Variants in NHSL1 observed in about 807,000 individuals in gnomAD.
NHSL1 encodes NHS like 1.
NHSL1 carries 48 observed loss-of-function variants against 95.0 expected under a neutral mutation model. The ratio of observed to expected loss-of-function variants is 0.51; its 90% CI spans 0.40 to 0.64. The LOEUF is 0.64. NHSL1 is among the 30% of genes least tolerant of loss of function. NHSL1 has a pLI of 0.00. For missense variants in NHSL1, 1,971 were observed against 2,077.7 expected, an observed-to-expected ratio of 0.95 and a Z score of 1.00; for synonymous variants, 783 against 833.9, an observed-to-expected ratio of 0.94 and a Z score of 1.05.
At chr6:138,470,288 AATTTTT>A (rs1295079266) in intron 3 of NHSL1, among the ~76,000 whole-genome samples, 1 of 152,016 alleles carries the variant, frequency 6.6e-6, no homozygotes, top group Middle Eastern at 3.2e-3. Flanking sequence ...GATTAACCTG[AATTTTT>A]ATTTTTATTT....
intron 1 of NHSL1, chr6:138,651,051 G>A (rs916929711): frequency 9.0e-5 from 35 of 387,744 alleles, no homozygotes; most frequent in Admixed American, 2.1e-4. Context: ...AAATTACCTC[G>A]TATTTTGATA....
intron 1 of NHSL1, among the ~76,000 whole-genome samples, chr6:138,641,440 A>G (rs1784957938): frequency 1.3e-5 from 2 of 152,138 alleles, no homozygotes; most frequent in South Asian, 4.1e-4. Context: ...TGAAACGTAC[A>G]GTGTTGGTTG....
intron 1 of NHSL1, among the ~76,000 whole-genome samples, chr6:138,536,600 AT>A (rs1782356687): frequency 9.9e-5 from 10 of 100,508 alleles, no homozygotes; most frequent in Non-Finnish European, 5.9e-5. Flanking sequence ...GACATATGTC[AT>A]CTTTTTTTTT....
intron 1 of NHSL1, among the ~76,000 whole-genome samples, chr6:138,605,409 T>C (rs1216053930): frequency 6.6e-6 from 1 of 152,160 alleles, no homozygotes; most frequent in Non-Finnish European, 1.5e-5. Context: ...TTTTGTATAA[T>C]TACCTTTTCA....
upstream of NHSL1, among the ~76,000 whole-genome samples, chr6:138,575,343 C>T (rs973790932): frequency 6.6e-6 from 1 of 152,206 alleles, no homozygotes; most frequent in Non-Finnish European, 1.5e-5. Context: ...CAACCCTGTA[C>T]ACTTCAAGGA....
At chr6:138,650,551 C>T in intron 1 of NHSL1, 5 of 594,646 alleles carry the variant, frequency 8.4e-6, no homozygotes, top group South Asian at 7.2e-5. Context: ...AAAACCACAT[C>T]ACCCAGGAGG....
exon 1 of NHSL1, chr6:138,545,689 C>T: frequency 1.6e-6 from 2 of 1,287,190 alleles, no homozygotes; most frequent in African/African-American, 1.5e-5. Flanking sequence ...ATGAAGCCTG[C>T]AGTGCTAGGC....
At chr6:138,529,889 C>T (rs1782065697) in intron 1 of NHSL1, among the ~76,000 whole-genome samples, 1 of 152,028 alleles carries the variant, frequency 6.6e-6, no homozygotes, top group African/African-American at 2.4e-5. Flanking sequence ...TCCCTTTTTG[C>T]CATGTAGTGT....
intron 3 of NHSL1, among the ~76,000 whole-genome samples, chr6:138,460,764 C>G (rs751247607): frequency 6.6e-6 from 1 of 151,242 alleles, no homozygotes; most frequent in Non-Finnish European, 1.5e-5. Context: ...TAGAGATTTC[C>G]TGTTAGCTAT....
At chr6:138,577,475 G>A (rs183041504), upstream of NHSL1, among the ~76,000 whole-genome samples, 70 of 152,312 alleles carry the variant, frequency 4.6e-4, no homozygotes, top group South Asian at 8.1e-3. Context: ...TGCAAGCGCC[G>A]CTGGGGTTGG....
intron 1 of NHSL1, among the ~76,000 whole-genome samples, chr6:138,518,062 G>C (rs566957360): frequency 3.3e-4 from 51 of 152,322 alleles, no homozygotes; most frequent in East Asian, 7.7e-4. Flanking sequence ...GACAGGACTG[G>C]AGTGAGAAAC....
chr6:138,593,470 C>G (rs527950066), intron 1 of NHSL1, among the ~76,000 whole-genome samples: 2 of 152,236 alleles, frequency 1.3e-5, no homozygotes, highest in African/African-American at 4.8e-5. Flanking sequence ...AGAGTGCTGA[C>G]GCACTTAGGA....
chr6:138,564,348 A>G (rs185774705), intron 1 of NHSL1, among the ~76,000 whole-genome samples: 138 of 151,896 alleles, frequency 9.1e-4, no homozygotes, highest in Non-Finnish European at 1.4e-3. Context: ...TTGATCCATC[A>G]CTGTTTTTAG....
At chr6:138,649,015 T>C (rs781102085) in intron 1 of NHSL1, among the ~76,000 whole-genome samples, 27 of 152,214 alleles carry the variant, frequency 1.8e-4, no homozygotes, top group Admixed American at 4.6e-4. Context: ...GAGGTGTATA[T>C]AGAGGCTTAG....
At chr6:138,638,125 A>T (rs952415197) in intron 1 of NHSL1, among the ~76,000 whole-genome samples, 1 of 152,176 alleles carries the variant, frequency 6.6e-6, no homozygotes. Context: ...GACAAACATA[A>T]CATGTTCTCA....
chr6:138,496,445 T>C, intron 1 of NHSL1, 74 bp from the exon 2 acceptor site: 2 of 1,437,974 alleles, frequency 1.4e-6, no homozygotes, highest in Non-Finnish European at 9.6e-7. Flanking sequence ...ATGATGTGTT[T>C]CCATGTCTAA....
chr6:138,447,366 T>C (rs1776929824), intron 3 of NHSL1, among the ~76,000 whole-genome samples, 173 bp from the exon 4 acceptor site: 1 of 152,204 alleles, frequency 6.6e-6, no homozygotes, highest in Non-Finnish European at 1.5e-5. Context: ...TGACCTATAA[T>C]ATGCATGATT....
chr6:138,449,052 C>CAAAAAAA (rs545496586), intron 3 of NHSL1, among the ~76,000 whole-genome samples: 172 of 88,418 alleles, frequency 1.9e-3, no homozygotes, highest in African/African-American at 6.0e-3. Context: ...AATTCTGTCT[C>CAAAAAAA]AAAAAAAAAA....
At chr6:138,610,893 C>A (rs1048407243) in intron 1 of NHSL1, among the ~76,000 whole-genome samples, 1 of 151,994 alleles carries the variant, frequency 6.6e-6, no homozygotes, top group African/African-American at 2.4e-5. Flanking sequence ...GCCTGACGAA[C>A]GTGGTGAAAT....
Sources: gnomAD v4.1 joint callset for allele counts (sites outside exome capture counted in the v4.1 genomes callset) on GRCh38, gnomAD v4.1.1 for gene constraint, MANE v1.5 for transcripts, NCBI Gene and HGNC (gene_info 2026-07-23, HGNC 2026-07-21) for gene names.